The following ZNF75A variants were observed in gnomAD, a reference collection of about 807,000 sequenced individuals.
The protein encoded by ZNF75A is zinc finger protein 75A.
ZNF75A carries 36 observed loss-of-function variants against 46.3 expected under a neutral mutation model. That is an observed-to-expected ratio of 0.78 (90% confidence interval 0.60 to 1.03). ZNF75A has a LOEUF of 1.03. Among genes scored for constraint, ZNF75A ranks in the 50% least tolerant of loss-of-function variants. The probability of loss-of-function intolerance (pLI) is 0.00; values close to 1 mark genes in which losing one functional copy is unlikely to be tolerated. For synonymous variants in ZNF75A, 234 were observed against 189.9 expected (o/e 1.23, Z -1.91); for missense variants, 595 against 551.3 (o/e 1.08, Z -0.79).
At chr16:3,308,926 A>G in intron 2 of ZNF75A, 90 bp downstream of exon 2, 1 of 819,558 alleles carries the variant, frequency 1.2e-6, no homozygotes, top group Non-Finnish European at 1.5e-6. Context: ...AATTAGATGG[A>G]TTAGGTAGGT....
downstream of ZNF75A, chr16:3,323,166 C>T (rs2030008364): frequency 5.0e-6 from 3 of 599,272 alleles, no homozygotes; most frequent in South Asian, 1.8e-5. Context: ...TAAAAATTTA[C>T]TGCAGTTTGG....
downstream of ZNF75A, among the ~76,000 whole-genome samples, chr16:3,320,375 G>T (rs1265730583): frequency 6.6e-6 from 1 of 152,182 alleles, no homozygotes; most frequent in Non-Finnish European, 1.5e-5. Context: ...GCTTGGAAAA[G>T]GGCAGCTGGG....
chr16:3,318,626 T>C lies in ZNF75A; in HGVS notation c.*757T>C, dbSNP rs1424933017. ...ATAAAGCAGCTATAAAAATTAGTAC[T>C]TGCCCAAGGCCTGAAAGAGAATTAG... On this transcript the variant is annotated 3_prime_UTR_variant, in exon 7 of 7. Coordinates refer to ENST00000669516, the MANE Select transcript of ZNF75A (RefSeq NM_001302109.2). 3 of 985,328 alleles carry C rather than the reference T, an allele frequency of 3.0e-6. No individual in the cohort carries two copies. The highest frequency in any genetic ancestry group is 3.6e-6 in the Non-Finnish European group (3 of 829,934). 61.0% of individuals were successfully genotyped at this position (985,328 alleles called of 1,614,324 possible).
chr16:3,317,452 G>A lies in ZNF75A; in HGVS notation c.1197G>A (p.Glu399=). The A allele has an allele frequency of 1.2e-6, 2 of 1,614,120 alleles. No homozygotes were observed. The highest frequency in any genetic ancestry group is 1.7e-5 in the Admixed American group (1 of 60,010). The change falls in exon 7 of 7, where the codon GAG becomes GAA. Residue 399 remains glutamate, a synonymous_variant. Coordinates refer to ENST00000669516, the MANE Select transcript of ZNF75A (RefSeq NM_001302109.2). ...MDRHKKDCAR[E]KPFKCQECGK... ...GTCACAAGAAAGATTGTGCAAGAGA[G>A]AAGCCTTTTAAATGTCAGGAATGTG...
At chr16:3,321,038 T>C (rs1364667864), downstream of ZNF75A, among the ~76,000 whole-genome samples, 2 of 152,018 alleles carry the variant, frequency 1.3e-5, no homozygotes, top group Admixed American at 1.3e-4. Context: ...ACCTTGGAAT[T>C]TGTGGGGTGG....
At chr16:3,321,266 G>A (rs142960294), downstream of ZNF75A, among the ~76,000 whole-genome samples, 21 of 152,162 alleles carry the variant, frequency 1.4e-4, no homozygotes, top group Non-Finnish European at 5.9e-5. Context: ...TCCATAAACC[G>A]GCAGATGATT....
At chr16:3,314,010 A>G (rs1961005916) in intron 5 of ZNF75A, among the ~76,000 whole-genome samples, 1 of 152,168 alleles carries the variant, frequency 6.6e-6, no homozygotes, top group Admixed American at 6.5e-5. Context: ...AATTGAGTAC[A>G]TCTAAGTTTT....
Position 3,308,349 on chromosome 16 carries a change from C to A in ZNF75A, c.-80C>A. 1.1e-6 allele frequency: 1 copy of A among 930,606 alleles called. No individual in the cohort carries two copies. Among genetic ancestry groups the A allele is most frequent in the Non-Finnish European group, 1.3e-6 (1 of 779,474 alleles). The allele number at this position is 930,606 out of a possible 1,614,324, so 57.6% of individuals were successfully genotyped here. On this transcript the variant is annotated 5_prime_UTR_variant, in exon 2 of 7. Coordinates refer to ENST00000669516, the MANE Select transcript of ZNF75A (RefSeq NM_001302109.2). The stretch of plus-strand genomic sequence containing the variant: ...AGAAGATCCTTTTATTGCTTTTGTA[C>A]AAGACCAGACAGGATCTCATTTGTT...
chr16:3,311,467 C>T (rs1216968497), intron 2 of ZNF75A, among the ~76,000 whole-genome samples: 1 of 151,662 alleles, frequency 6.6e-6, no homozygotes, highest in Admixed American at 6.6e-5. Context: ...AGTGGGCTGC[C>T]CAACCCTGCC....
intron 1 of ZNF75A, chr16:3,307,649 G>T (rs2150794565): frequency 6.6e-6 from 1 of 151,476 alleles, no homozygotes; most frequent in South Asian, 2.1e-4. Context: ...TCCTGAGCTA[G>T]AACTACTGGT....
downstream of ZNF75A, among the ~76,000 whole-genome samples, chr16:3,319,946 C>T (rs1426297089): frequency 6.6e-6 from 1 of 152,138 alleles, no homozygotes; most frequent in Non-Finnish European, 1.5e-5. Flanking sequence ...CCAAGAGTCT[C>T]CAGACCTATA....
intron 5 of ZNF75A, 62 bp from the exon 6 acceptor site, chr16:3,316,850 G>T: frequency 8.9e-7 from 1 of 1,122,122 alleles, no homozygotes; most frequent in Non-Finnish European, 1.3e-6. Context: ...AACAGTCTGG[G>T]ATTAGTGGAC....
At position 3,312,807 on chromosome 16, in the gene ZNF75A, C is replaced by G. The variant is rs557056739; in HGVS notation, c.696+39C>G. On this transcript the variant is annotated intron_variant, in intron 4 of 6. Transcript: ENST00000669516. ...TCCAGCTGTTGAGGGCTACCTTTCTCTGCTATGTATGATTAATACTGTCCA... is the reference window on the plus strand; with the variant it reads ...TCCAGCTGTTGAGGGCTACCTTTCTGTGCTATGTATGATTAATACTGTCCA... 9 of 1,125,972 alleles carry G rather than the reference C, an allele frequency of 8.0e-6. No individual in the cohort carries two copies. In the African/African-American group the frequency reaches 1.1e-4, roughly 14 times the overall value. 69.7% of individuals were successfully genotyped at this position (1,125,972 alleles called of 1,614,324 possible). A position where few individuals can be genotyped will look rare whatever the true frequency, so the allele number is the denominator to read the frequency against.
rs113366232 is a variant in ZNF75A at position 3,317,713 on chromosome 16, C to T, written c.1458C>T (p.Phe486=). The change falls in exon 7 of 7, where the codon TTC becomes TTT. Residue 486 remains phenylalanine, a synonymous_variant. Coordinates refer to ENST00000669516, the MANE Select transcript of ZNF75A (RefSeq NM_001302109.2). ...HQRTHTGEKP[F]TCHECGKKFS... ...GAACTCATACAGGAGAAAAGCCCTTCACATGTCATGAATGTGGAAAAAAAT... is the reference window on the plus strand; with the variant it reads ...GAACTCATACAGGAGAAAAGCCCTTTACATGTCATGAATGTGGAAAAAAAT... 1.1e-5 allele frequency: 18 copies of T among 1,614,050 alleles called. No individual in the cohort carries two copies. The Admixed American group carries it at 3.0e-4, about 27-fold the overall frequency.
In ZNF75A at chr16:3,317,236, T is replaced by C. The variant is rs1049254814; in HGVS notation, c.981T>C (p.Leu327=). The C allele has an allele frequency of 2.0e-5, 32 of 1,613,718 alleles. No homozygotes were observed. The Admixed American group carries it at 4.0e-4, about 20-fold the overall frequency. Residue 327 remains leucine (L), a synonymous_variant, in exon 7 of 7, where the codon CTT becomes CTC. Coordinates refer to ENST00000669516, the MANE Select transcript of ZNF75A (RefSeq NM_001302109.2). ...NDTENHQPVS[L]SDLEIQASAG... is the part of the protein sequence containing the mutation. ...CTGAAAATCATCAGCCTGTGTCTCTTTCTGACTTAGAAATACAAGCATCAG... is the reference window on the plus strand; with the variant it reads ...CTGAAAATCATCAGCCTGTGTCTCTCTCTGACTTAGAAATACAAGCATCAG...
intron 5 of ZNF75A, chr16:3,314,902 A>T: frequency 1.0e-6 from 1 of 985,376 alleles, no homozygotes; most frequent in South Asian, 4.7e-5. Context: ...TTTGTGTAGA[A>T]GTTGAGCAAT....
At chr16:3,306,941 G>A (rs111249127) in intron 1 of ZNF75A, 80 of 150,670 alleles carry the variant, frequency 5.3e-4, no homozygotes, top group African/African-American at 1.9e-3. Context: ...CAGTTCATAA[G>A]TTTTAAATAA....
Position 3,318,225 on chromosome 16 carries a change from C to G in ZNF75A, c.*356C>G. 9.9e-7 allele frequency: 1 copy of G among 1,008,850 alleles called. No individual in the cohort carries two copies. The highest frequency in any genetic ancestry group is 4.6e-5 in the South Asian group (1 of 21,974). 62.5% of individuals were successfully genotyped at this position (1,008,850 alleles called of 1,614,324 possible). ...ACCAATTTCCATAGTCTCATGAGGCCGAAATGAATTACAATGTAAAGTGTT... is the reference window on the plus strand; with the variant it reads ...ACCAATTTCCATAGTCTCATGAGGCGGAAATGAATTACAATGTAAAGTGTT... On this transcript the variant is annotated 3_prime_UTR_variant, in exon 7 of 7. Transcript: ENST00000669516.
At chr16:3,319,786 T>TA (rs1961455897), downstream of ZNF75A, among the ~76,000 whole-genome samples, 2 of 128,502 alleles carry the variant, frequency 1.6e-5, no homozygotes, top group African/African-American at 5.3e-5. Flanking sequence ...GCTTTTCATT[T>TA]TTTTTTTTTT....
Sources: allele counts gnomAD v4.1 joint callset (sites outside exome capture counted in the v4.1 genomes callset), GRCh38; gene constraint gnomAD v4.1.1; transcripts MANE v1.5; gene names NCBI Gene and HGNC (gene_info 2026-07-23, HGNC 2026-07-21).